The following KCNT2 variants were observed in gnomAD, a reference collection of about 807,000 sequenced individuals.
KCNT2 encodes potassium channel subfamily T member 2.
In KCNT2, 67 loss-of-function variants were observed where a neutral mutation model predicts 153.8. The observed-to-expected ratio is 0.44, with a 90% confidence interval of 0.36 to 0.53. KCNT2 has a LOEUF of 0.53. Ranked by LOEUF, KCNT2 falls within the 20% of genes least tolerant of loss-of-function variation. The pLI, the probability that KCNT2 is intolerant of heterozygous loss-of-function variation, is 0.00. For synonymous variants in KCNT2, 500 were observed against 458.8 expected, an observed-to-expected ratio of 1.09 and a Z score of -1.15; for missense variants, 975 against 1,354.8, an observed-to-expected ratio of 0.72 and a Z score of 4.40.
At chr1:196,461,185 T>A (rs1200119692) in intron 8 of KCNT2, among the ~76,000 whole-genome samples, 1 of 151,482 alleles carries the variant, frequency 6.6e-6, no homozygotes, top group African/African-American at 2.4e-5. Context: ...GTAAATAGAG[T>A]TCAAGAACTT....
intron 25 of KCNT2, chr1:196,273,499 G>A (rs775702424): frequency 8.5e-6 from 13 of 1,528,406 alleles, no homozygotes; most frequent in African/African-American, 2.8e-5. Flanking sequence ...CTGACACAAC[G>A]GGAGGGAAAA....
chr1:196,269,571 C>T (rs1657873326), intron 25 of KCNT2, among the ~76,000 whole-genome samples: 1 of 152,026 alleles, frequency 6.6e-6, no homozygotes. Flanking sequence ...CAAAAATTAG[C>T]TATCATGGAG....
chr1:196,243,418 T>C (rs750768488), intron 26 of KCNT2, among the ~76,000 whole-genome samples: 1 of 152,138 alleles, frequency 6.6e-6, no homozygotes, highest in Non-Finnish European at 1.5e-5. Context: ...GTTTTTAACT[T>C]TATGTCACTG....
At position 196,425,252 on chromosome 1, in the gene KCNT2, T is replaced by C. The variant is rs533519470; in HGVS notation, c.1121+600A>G. 2.0e-5 allele frequency among the ~76,000 whole-genome samples: 3 copies of C among 152,078 alleles called. No homozygotes were observed. In the South Asian group the frequency reaches 6.2e-4, roughly 32 times the overall value. On this transcript the variant is annotated intron_variant, in intron 11 of 27. Transcript: ENST00000294725. Reference sequence around the variant, plus strand: ...GTAACTTGTGACAAATGTTTAAGACTATGTCACCTTTAAGACAAATTGCCT... The same window carrying C: ...GTAACTTGTGACAAATGTTTAAGACCATGTCACCTTTAAGACAAATTGCCT...
rs550830621 is a variant in KCNT2 at position 196,227,031 on chromosome 1, G to T, written c.*1193C>A. 2 of 151,782 alleles carry T rather than the reference G, an allele frequency of 1.3e-5. No individual in the cohort carries two copies. The highest frequency in any genetic ancestry group is 3.0e-5 in the Non-Finnish European group (2 of 67,778). The allele number at this position is 151,782 out of a possible 1,614,324, so 9.4% of individuals were successfully genotyped here. On this transcript the variant is annotated 3_prime_UTR_variant, in exon 28 of 28. Transcript: ENST00000294725. ...AAATGAAAAACTGGATATCATCAAT[G>T]GTCAATTTATATTTAAATTTATAAC...
chr1:196,253,833 CAACT>C (rs1463615337), intron 26 of KCNT2, among the ~76,000 whole-genome samples: 4 of 151,444 alleles, frequency 2.6e-5, no homozygotes, highest in African/African-American at 7.2e-5. Flanking sequence ...TTCACTCAAC[CAACT>C]AACTTATTTC....
At chr1:196,349,405 C>A (rs908649425) in intron 14 of KCNT2, among the ~76,000 whole-genome samples, 1 of 152,136 alleles carries the variant, frequency 6.6e-6, no homozygotes, top group Non-Finnish European at 1.5e-5. Flanking sequence ...CAGGCTTGTT[C>A]TCCCTGGGCT....
At chr1:196,480,857 A>G (rs1322244127) in intron 4 of KCNT2, among the ~76,000 whole-genome samples, 1 of 109,862 alleles carries the variant, frequency 9.1e-6, no homozygotes, top group African/African-American at 5.0e-5. Context: ...CTTCGTCTCA[A>G]AAAAAAAAAA....
At chr1:196,525,312 A>G (rs1558040656) in intron 1 of KCNT2, among the ~76,000 whole-genome samples, 1 of 152,018 alleles carries the variant, frequency 6.6e-6, no homozygotes, top group Non-Finnish European at 1.5e-5. Flanking sequence ...CAGCTCTCAT[A>G]CTGTAAACAA....
rs80253743 is a variant in KCNT2, at chr1:196,477,771, A to G, written c.384+1408T>C. On this transcript the variant is annotated intron_variant, in intron 5 of 27. Transcript: ENST00000294725. The stretch of plus-strand genomic sequence containing the variant: ...CTTCTCTGTCTTCCCTGATTGTTCT[A>G]TTATTCCTCCAAAACCCTGAATTTA... Among the ~76,000 whole-genome samples the G allele has an allele frequency of 5.0e-3, 761 of 152,234 alleles. 4 individuals carry two copies. The highest frequency in any genetic ancestry group is 0.018 in the African/African-American group (730 of 41,556).
chr1:196,495,481 C>A (rs1680180896), intron 1 of KCNT2, among the ~76,000 whole-genome samples: 1 of 151,898 alleles, frequency 6.6e-6, no homozygotes, highest in Non-Finnish European at 1.5e-5. Context: ...GTTTCATCTC[C>A]TCCCTCCATT....
chr1:196,327,324 C>A (rs952581248), intron 18 of KCNT2, among the ~76,000 whole-genome samples: 11 of 150,066 alleles, frequency 7.3e-5, no homozygotes, highest in Admixed American at 4.6e-4. Context: ...AAAAAAAAAA[C>A]CAAAAAACAA....
intron 13 of KCNT2, among the ~76,000 whole-genome samples, chr1:196,381,825 C>A (rs1283381020): frequency 1.3e-5 from 2 of 152,074 alleles, no homozygotes; most frequent in Non-Finnish European, 2.9e-5. Flanking sequence ...TTTGAGAGAA[C>A]GTAGGCAAAT....
Position 196,348,584 on chromosome 1 carries a change from A to G in KCNT2, c.1404-6356T>C, listed in dbSNP as rs1666338215. Among the ~76,000 whole-genome samples the G allele has an allele frequency of 2.0e-5, 3 of 152,200 alleles. No individual in the cohort carries two copies. In the South Asian group the frequency reaches 6.2e-4, roughly 31 times the overall value. On this transcript the variant is annotated intron_variant, in intron 14 of 27. Coordinates refer to ENST00000294725, the MANE Select transcript of KCNT2 (RefSeq NM_198503.5). ...ATCCTTCCTAGCCAAGTTTATGTCC[A>G]CATTTGTTTTCAAAATCATTGCTAG...
chr1:196,568,888 T>C (rs1337408128), intron 1 of KCNT2, among the ~76,000 whole-genome samples: 1 of 152,000 alleles, frequency 6.6e-6, no homozygotes, highest in Non-Finnish European at 1.5e-5. Flanking sequence ...AAAAAATTCA[T>C]AGCTGTTGGT....
At position 196,339,423 on chromosome 1, in the gene KCNT2, C is replaced by T. The variant is rs541654347; in HGVS notation, c.1783+918G>A. Among the ~76,000 whole-genome samples, 15 of 151,866 alleles carry T rather than the reference C, an allele frequency of 9.9e-5. No homozygotes were observed. The South Asian group carries it at 2.7e-3, about 27-fold the overall frequency. Reference sequence around the variant, plus strand: ...ATTTAAAGCCTGCCACTAAACACAACACTTTGGAGAAATTTGTCTCTGAAG... The same window carrying T: ...ATTTAAAGCCTGCCACTAAACACAATACTTTGGAGAAATTTGTCTCTGAAG... On this transcript the variant is annotated intron_variant, in intron 16 of 27. Transcript: ENST00000294725.
intron 22 of KCNT2, among the ~76,000 whole-genome samples, chr1:196,293,478 A>G (rs1194107991): frequency 6.6e-6 from 1 of 152,192 alleles, no homozygotes; most frequent in South Asian, 2.1e-4. Context: ...AGAACAGGAT[A>G]AAGAGCCCAG....
chr1:196,502,144 A>T (rs772110106), intron 1 of KCNT2, among the ~76,000 whole-genome samples: 21 of 152,154 alleles, frequency 1.4e-4, no homozygotes, highest in Non-Finnish European at 2.9e-4. Flanking sequence ...AAGATAGTTC[A>T]GGCTCAAGTG....
intron 22 of KCNT2, among the ~76,000 whole-genome samples, chr1:196,290,423 C>T (rs2147914030): frequency 6.6e-6 from 1 of 152,112 alleles, no homozygotes; most frequent in South Asian, 2.1e-4. Context: ...AACTCATCTT[C>T]CTTGTGGTTC....
Sources: allele counts gnomAD v4.1 joint callset (sites outside exome capture counted in the v4.1 genomes callset), GRCh38; gene constraint gnomAD v4.1.1; transcripts MANE v1.5; gene names NCBI Gene and HGNC (gene_info 2026-07-23, HGNC 2026-07-21).